Variants in MROH7 observed in about 807,000 individuals in gnomAD.
MROH7 encodes maestro heat like repeat family member 7, also known as maestro heat-like repeat-containing protein family member 7.
Under a neutral mutation model 129.2 loss-of-function variants are expected in MROH7, and 113 were observed. The observed-to-expected ratio is 0.87, with a 90% CI of 0.75 to 1.02. The LOEUF (loss-of-function observed/expected upper bound fraction) is 1.02, where lower values mean the gene tolerates loss of function less well. Ranked by LOEUF, MROH7 falls within the 50% of genes least tolerant of loss-of-function variation. The pLI is 0.00. For synonymous variants in MROH7, 655 were observed against 667.9 expected, an observed-to-expected ratio of 0.98 and a Z score of 0.30; for missense variants, 1,601 against 1,671.3, an observed-to-expected ratio of 0.96 and a Z score of 0.73.
Position 54,679,951 on chromosome 1 carries a change from C to T in MROH7, c.2287C>T (p.Arg763Cys), listed in dbSNP as rs778639426. The change falls in exon 13 of 24, where the codon CGC (arginine) becomes TGC (cysteine). Residue 763 changes from arginine to cysteine, a missense_variant. Coordinates refer to ENST00000421030, the MANE Select transcript of MROH7 (RefSeq NM_001039464.4). ...QLSHIQEPRA[R>C]QVALLPVSLL... The stretch of plus-strand genomic sequence containing the variant: ...GAGCCACATCCAGGAGCCTCGGGCC[C>T]GCCAGGTGGCCCTGCTGCCCGTCTC... 2.3e-5 allele frequency: 37 copies of T among 1,613,820 alleles called. No homozygotes were observed. In the East Asian group the frequency reaches 2.9e-4, roughly 13 times the overall value.
intron 17 of MROH7, chr1:54,699,866 T>C: frequency 1.9e-6 from 1 of 517,154 alleles, no homozygotes; most frequent in Non-Finnish European, 3.4e-6. Context: ...AAGCCTAGCT[T>C]TAAGGCTCTG....
chr1:54,699,137 T>TC (rs1439081513), intron 17 of MROH7: 1 of 103,130 alleles, frequency 9.7e-6, no homozygotes, highest in African/African-American at 3.8e-5. Context: ...TTTCTTTCTT[T>TC]CTTTCTTTCT....
Position 54,653,338 on chromosome 1 carries a change from C to G in MROH7, c.412C>G (p.Arg138Gly), listed in dbSNP as rs370379031. 1.2e-5 allele frequency: 20 copies of G among 1,614,074 alleles called. No homozygotes were observed. The highest frequency in any genetic ancestry group is 1.7e-5 in the Non-Finnish European group (20 of 1,180,046). ...ILSPSSTEAPRLSSGNHPQSN... is the reference protein window; with the variant it reads ...ILSPSSTEAPGLSSGNHPQSN... ...GAGCCCTAGCTCTACTGAGGCCCCT[C>G]GTCTGAGCTCTGGGAACCACCCTCA... The change falls in exon 3 of 24, where the codon CGT becomes GGT. Residue 138 changes from arginine (R) to glycine (G), a missense_variant. By Grantham distance (125) the Arg-to-Gly change is moderately radical. Coordinates refer to ENST00000421030, the MANE Select transcript of MROH7 (RefSeq NM_001039464.4).
In MROH7 at chr1:54,702,104, G is replaced by A. The variant is rs750260638; in HGVS notation, c.3300G>A (p.Val1100=). 3 of 1,602,604 alleles carry A rather than the reference G, an allele frequency of 1.9e-6. No individual in the cohort carries two copies. Among genetic ancestry groups the A allele is most frequent in the Non-Finnish European group, 2.6e-6 (3 of 1,173,806 alleles). Residue 1100 remains valine (V), a synonymous_variant, in exon 20 of 24, where the codon GTG becomes GTA. Coordinates refer to ENST00000421030, the MANE Select transcript of MROH7 (RefSeq NM_001039464.4). ...GTCTTCCCCAGGCACGAGAGGTCGTGCGCTCCTCCTGCATCAACCTGTATG... is the reference window on the plus strand; with the variant it reads ...GTCTTCCCCAGGCACGAGAGGTCGTACGCTCCTCCTGCATCAACCTGTATG... ...LPHFSDAREV[V]RSSCINLYGK...
rs775623305 is a variant in MROH7, at chr1:54,654,115, C to T, written c.1189C>T (p.Pro397Ser). 6.2e-7 allele frequency: 1 copy of T among 1,613,718 alleles called. No individual in the cohort carries two copies. Among genetic ancestry groups the T allele is most frequent in the Middle Eastern group, 1.7e-4 (1 of 6,058 alleles). Residue 397 changes from proline to serine, a missense_variant, in exon 3 of 24, where the codon CCC becomes TCC. Pro to Ser is a moderately conservative substitution (Grantham distance 74, BLOSUM62 -1). Transcript: ENST00000421030. ...QFPLGFPISNPAGKDAVTLQG... is the reference protein window; with the variant it reads ...QFPLGFPISNSAGKDAVTLQG... ...CCCGCTGGGATTCCCCATCTCCAAC[C>T]CCGCAGGCAAGGACGCCGTGACCTT...
intron 6 of MROH7, 34 bp from the exon 7 acceptor site, chr1:54,670,766 C>T: frequency 1.9e-6 from 3 of 1,607,464 alleles, no homozygotes; most frequent in Non-Finnish European, 2.5e-6. Flanking sequence ...GCCCCTCTCT[C>T]ACTCCATTTC....
intron 11 of MROH7, 150 bp downstream of exon 11, chr1:54,679,004 C>A: frequency 2.8e-6 from 2 of 703,988 alleles, no homozygotes; most frequent in Non-Finnish European, 5.0e-6. Flanking sequence ...CCCTCCTCCT[C>A]CAGTCTGTGC....
chr1:54,706,369 A>T (rs1645533599), intron 21 of MROH7, 66 bp from the exon 22 acceptor site: 1 of 1,193,862 alleles, frequency 8.4e-7, no homozygotes, highest in Admixed American at 1.8e-5. Flanking sequence ...CCTAGCTTCA[A>T]GAAGGGTGGA....
rs965584333 is a variant in MROH7 at position 54,686,582 on chromosome 1, C to T, written c.2711+134C>T. The stretch of plus-strand genomic sequence containing the variant: ...GGGACTAGAAGAGAAAACAGAAGCA[C>T]AATTTTATTAGAGCCAATAATTCAT... On this transcript the variant is annotated intron_variant, in intron 15 of 23. Coordinates refer to ENST00000421030, the MANE Select transcript of MROH7 (RefSeq NM_001039464.4). 15 of 763,644 alleles carry T rather than the reference C, an allele frequency of 2.0e-5. No homozygotes were observed. In the Admixed American group the frequency reaches 4.2e-4, roughly 21 times the overall value. 47.3% of individuals were successfully genotyped at this position (763,644 alleles called of 1,614,324 possible).
At chr1:54,702,058 G>A (rs1645446089) in intron 19 of MROH7, 32 bp from the exon 20 acceptor site, 1 of 1,525,938 alleles carries the variant, frequency 6.6e-7, no homozygotes, top group Non-Finnish European at 8.9e-7. Context: ...TCCCAGAGGA[G>A]GGACCCCCTC....
Position 54,700,323 on chromosome 1 carries a change from C to T in MROH7, c.2967C>T (p.Leu989=). The change falls in exon 18 of 24, where the codon CTC becomes CTT. Residue 989 remains leucine (L), a splice_region_variant and synonymous_variant. Transcript: ENST00000421030. ...RITATAFFVE[L]LQMEQVRRIP... ...GTAATGACCCTTTGCTCCCTCAGCT[C>T]CTCCAGATGGAGCAGGTGCGCCGGA... is the stretch of plus-strand genomic sequence containing the variant. 3 of 1,614,140 alleles carry T rather than the reference C, an allele frequency of 1.9e-6. No individual in the cohort carries two copies. The highest frequency in any genetic ancestry group is 2.5e-6 in the Non-Finnish European group (3 of 1,180,018).
At chr1:54,652,826 C>T (rs1326864203) in intron 2 of MROH7, 27 bp from the exon 3 acceptor site, 10 of 1,459,016 alleles carry the variant, frequency 6.9e-6, no homozygotes, top group Non-Finnish European at 9.2e-6. Flanking sequence ...TGTGGCATGG[C>T]TGCATTTGTC....
chr1:54,674,274 AG>A lies in MROH7; in HGVS notation c.1936+126del. The A allele has an allele frequency of 3.6e-6, 4 of 1,099,936 alleles. No homozygotes were observed. The South Asian group carries it at 5.2e-5, about 14-fold the overall frequency. The allele number at this position is 1,099,936 out of a possible 1,614,324, so 68.1% of individuals were successfully genotyped here. On this transcript the variant is annotated intron_variant, in intron 10 of 23. Transcript: ENST00000421030. Reference sequence around the variant, plus strand: ...GGTGGGAGATGGGGGAAACCAGCACAGGGCCAGATGGGGACTGTGGAAACTG... The same window carrying A: ...GGTGGGAGATGGGGGAAACCAGCACAGGCCAGATGGGGACTGTGGAAACTG...
intron 1 of MROH7, among the ~76,000 whole-genome samples, chr1:54,643,573 A>T (rs1378885204): frequency 6.6e-6 from 1 of 152,164 alleles, no homozygotes; most frequent in Non-Finnish European, 1.5e-5. Flanking sequence ...GTCGCTTAGG[A>T]GAGGGGAGGT....
intron 13 of MROH7, 26 bp from the exon 14 acceptor site, chr1:54,682,630 A>G (rs376883579): frequency 3.2e-5 from 51 of 1,602,000 alleles, no homozygotes; most frequent in Non-Finnish European, 3.7e-5. Context: ...GGCCACCACT[A>G]ATTGCCCACA....
intron 10 of MROH7, among the ~76,000 whole-genome samples, chr1:54,677,174 G>A (rs1237452394): frequency 6.6e-6 from 1 of 152,056 alleles, no homozygotes; most frequent in East Asian, 2.0e-4. Flanking sequence ...CAAGGCAGGT[G>A]GATCAGCTGA....
intron 3 of MROH7, among the ~76,000 whole-genome samples, chr1:54,657,071 A>G (rs1350594313): frequency 6.8e-6 from 1 of 147,012 alleles, no homozygotes; most frequent in African/African-American, 2.5e-5. Context: ...TTTTTTAGAC[A>G]TGATCTCACT....
intron 1 of MROH7, among the ~76,000 whole-genome samples, chr1:54,645,991 C>T (rs139458348): frequency 7.9e-5 from 12 of 152,296 alleles, no homozygotes; most frequent in East Asian, 3.9e-4. Context: ...GGCACTGTTC[C>T]GTACTCTGAC....
At position 54,673,868 on chromosome 1, in the gene MROH7, C is replaced by T. The variant is rs537720110; in HGVS notation, c.1800+63C>T. The T allele has an allele frequency of 3.5e-5, 54 of 1,533,924 alleles. No individual in the cohort carries two copies. In the African/African-American group the frequency reaches 4.2e-4, roughly 12 times the overall value. The stretch of plus-strand genomic sequence containing the variant: ...AAATCTTCCCACTTCTGAAGGAGCC[C>T]GTACCTCTGTTCAGGGATTCCCAGG... On this transcript the variant is annotated intron_variant, in intron 9 of 23. Coordinates refer to ENST00000421030, the MANE Select transcript of MROH7 (RefSeq NM_001039464.4).
Sources: allele counts gnomAD v4.1 joint callset (sites outside exome capture counted in the v4.1 genomes callset), GRCh38; gene constraint gnomAD v4.1.1; transcripts MANE v1.5; gene names NCBI Gene and HGNC (gene_info 2026-07-23, HGNC 2026-07-21).